DSCAM: variants seen among roughly 807,000 people sequenced by gnomAD.
DSCAM encodes the protein DS cell adhesion molecule, also known as cell adhesion molecule DSCAM.
DSCAM carries 47 observed loss-of-function variants against 217.7 expected under a neutral mutation model. The observed-to-expected ratio is 0.22, with a 90% CI of 0.17 to 0.28. The LOEUF (loss-of-function observed/expected upper bound fraction) is 0.28, where lower values mean the gene tolerates loss of function less well. Among genes scored for constraint, DSCAM ranks in the 10% least tolerant of loss-of-function variants. DSCAM has a pLI of 1.00. For synonymous variants in DSCAM, 1,056 were observed against 1,015.3 expected, an observed-to-expected ratio of 1.04 and a Z score of -0.76; for missense variants, 2,080 against 2,618.3, an observed-to-expected ratio of 0.79 and a Z score of 4.49.
At chr21:40,305,268 T>G (rs985642041) in intron 9 of DSCAM, among the ~76,000 whole-genome samples, 2 of 151,744 alleles carry the variant, frequency 1.3e-5, no homozygotes, top group Non-Finnish European at 2.9e-5. Context: ...CACATGCCTG[T>G]AATCCAAGCT....
chr21:40,168,451 G>A (rs2090620650), intron 15 of DSCAM, among the ~76,000 whole-genome samples: 2 of 152,330 alleles, frequency 1.3e-5, no homozygotes, highest in African/African-American at 4.8e-5. Flanking sequence ...AAGGCAGCAG[G>A]AAAACAGGTG....
At chr21:40,102,367 G>T (rs2089762632) in intron 20 of DSCAM, among the ~76,000 whole-genome samples, 1 of 152,172 alleles carries the variant, frequency 6.6e-6, no homozygotes, top group Non-Finnish European at 1.5e-5. Flanking sequence ...TGACACCCAA[G>T]CCAGAGCGTT....
At chr21:40,729,659 C>G (rs962596519) in intron 1 of DSCAM, among the ~76,000 whole-genome samples, 3 of 152,092 alleles carry the variant, frequency 2.0e-5, no homozygotes, top group Non-Finnish European at 2.9e-5. Flanking sequence ...TTTCCTGTTT[C>G]TTTTTTTGTT....
chr21:40,536,457 A>T (rs1415753178), intron 3 of DSCAM, among the ~76,000 whole-genome samples: 1 of 135,112 alleles, frequency 7.4e-6, no homozygotes, highest in Admixed American at 8.3e-5. Context: ...GCTGGAGTGC[A>T]GTGGCGCCAT....
chr21:40,530,722 T>C (rs1232937343), intron 3 of DSCAM, among the ~76,000 whole-genome samples: 2 of 152,104 alleles, frequency 1.3e-5, no homozygotes, highest in African/African-American at 4.8e-5. Context: ...TAAACCCACA[T>C]TTCCTCAGGC....
At chr21:40,620,263 AAAAGAAAG>A (rs1335710775) in intron 3 of DSCAM, among the ~76,000 whole-genome samples, 1 of 141,160 alleles carries the variant, frequency 7.1e-6, no homozygotes, top group African/African-American at 2.8e-5. Flanking sequence ...AGAAAAAAGA[AAAAGAAAG>A]AAAGAGAGAA....
chr21:40,023,148 T>C (rs2146426822), intron 32 of DSCAM, among the ~76,000 whole-genome samples: 1 of 151,904 alleles, frequency 6.6e-6, no homozygotes, highest in Non-Finnish European at 1.5e-5. Context: ...TTGCGATAGT[T>C]TACTGAGAAT....
chr21:40,811,530 C>G (rs547286343), intron 1 of DSCAM, among the ~76,000 whole-genome samples: 11 of 152,158 alleles, frequency 7.2e-5, no homozygotes, highest in African/African-American at 2.7e-4. Context: ...AATGGGCGCA[C>G]GTGGAGTCAG....
chr21:40,627,256 A>G, intron 3 of DSCAM, among the ~76,000 whole-genome samples: 1 of 152,352 alleles, frequency 6.6e-6, no homozygotes, highest in African/African-American at 2.4e-5. Flanking sequence ...AAAATTGATA[A>G]CAGATTTAAG....
intron 3 of DSCAM, among the ~76,000 whole-genome samples, chr21:40,545,217 A>G (rs1483761281): frequency 1.3e-5 from 2 of 152,208 alleles, no homozygotes; most frequent in African/African-American, 4.8e-5. Context: ...CACAGCATCT[A>G]CTGGTGCTTT....
intron 1 of DSCAM, among the ~76,000 whole-genome samples, chr21:40,726,641 A>G (rs2090958135): frequency 6.6e-6 from 1 of 152,186 alleles, no homozygotes; most frequent in Admixed American, 6.5e-5. Flanking sequence ...AAGGAGCCCA[A>G]ACCAACCCTA....
intron 2 of DSCAM, among the ~76,000 whole-genome samples, chr21:40,703,681 T>C (rs2090681892): frequency 6.6e-6 from 1 of 152,226 alleles, no homozygotes; most frequent in Non-Finnish European, 1.5e-5. Context: ...TTTATTATAT[T>C]ATGATGTGCC....
chr21:40,126,204 A>G (rs891494314), intron 19 of DSCAM, among the ~76,000 whole-genome samples: 2 of 151,954 alleles, frequency 1.3e-5, no homozygotes, highest in African/African-American at 4.8e-5. Context: ...AGAGAAAGAA[A>G]TGAAGGAGGG....
chr21:40,771,173 A>G (rs2091441147), intron 1 of DSCAM, among the ~76,000 whole-genome samples: 2 of 152,322 alleles, frequency 1.3e-5, no homozygotes, highest in Admixed American at 1.3e-4. Flanking sequence ...CCCAGCCCAC[A>G]TGAGGGACAG....
At position 40,493,881 on chromosome 21, in the gene DSCAM, T is replaced by A. The variant is rs1230810112; in HGVS notation, c.509-124636A>T. 5.8e-4 allele frequency among the ~76,000 whole-genome samples: 55 copies of A among 95,054 alleles called. No homozygotes were observed. In the South Asian group the frequency reaches 0.011, roughly 18 times the overall value. 62.4% of individuals were successfully genotyped at this position (95,054 alleles called of 152,430 possible). The stretch of plus-strand genomic sequence containing the variant: ...TCCATCTCAAAAAAAAAAAAAAAAA[T>A]ATATACATATATATACATATATATA... On this transcript the variant is annotated intron_variant, in intron 3 of 32. Transcript: ENST00000400454.
intron 1 of DSCAM, among the ~76,000 whole-genome samples, chr21:40,778,638 TAAAC>T (rs1385181774): frequency 1.3e-5 from 2 of 152,104 alleles, no homozygotes; most frequent in African/African-American, 2.4e-5. Context: ...AAAAACTTAT[TAAAC>T]AAAGAAAGAA....
At chr21:40,345,562 T>C (rs1768878685) in intron 6 of DSCAM, among the ~76,000 whole-genome samples, 1 of 152,210 alleles carries the variant, frequency 6.6e-6, no homozygotes, top group Admixed American at 6.5e-5. Context: ...ATCCTGAACT[T>C]ATAATTATTA....
rs546850839 is a variant in DSCAM at position 40,277,708 on chromosome 21, A to C, written c.2183-1438T>G. On this transcript the variant is annotated intron_variant, in intron 10 of 32. Transcript: ENST00000400454. ...GAGTGCAGTGGCACGATTTCGGCTC[A>C]CTGCAACTTCCGCCTCCTGGGTTCA... Among the ~76,000 whole-genome samples, 4 of 146,228 alleles carry C rather than the reference A, an allele frequency of 2.7e-5. No individual in the cohort carries two copies. In the South Asian group the frequency reaches 8.6e-4, roughly 31 times the overall value.
chr21:40,160,631 T>C (rs1219310223), intron 16 of DSCAM, among the ~76,000 whole-genome samples: 1 of 152,154 alleles, frequency 6.6e-6, no homozygotes, highest in Admixed American at 6.5e-5. Flanking sequence ...GTAATGTTGA[T>C]GCACTAAGAA....
Sources: gnomAD v4.1 joint callset for allele counts (sites outside exome capture counted in the v4.1 genomes callset) on GRCh38, gnomAD v4.1.1 for gene constraint, MANE v1.5 for transcripts, NCBI Gene and HGNC (gene_info 2026-07-23, HGNC 2026-07-21) for gene names.